The following ZNF43 variants were observed in gnomAD, a reference collection of about 807,000 sequenced individuals.
The protein encoded by ZNF43 is zinc finger protein 39-like 1 (KOX 27).
ZNF43 carries 44 observed loss-of-function variants against 68.4 expected under a neutral mutation model. That is an observed-to-expected ratio of 0.64 (90% CI 0.51 to 0.83). ZNF43 has a LOEUF of 0.83. Ranked by LOEUF, ZNF43 falls within the 40% of genes least tolerant of loss-of-function variation. The pLI, the probability that ZNF43 is intolerant of heterozygous loss-of-function variation, is 0.00. For synonymous variants in ZNF43, 308 were observed against 307.8 expected (o/e 1.00, Z -0.01); for missense variants, 896 against 933.2 (o/e 0.96, Z 0.52).
At chr19:21,829,770 T>A (rs548428764) in intron 1 of ZNF43, among the ~76,000 whole-genome samples, 1 of 152,304 alleles carries the variant, frequency 6.6e-6, no homozygotes, top group African/African-American at 2.4e-5. Context: ...TCTGGACATA[T>A]TGAACTCTTG....
chr19:21,852,041 C>T (rs918738867), exon 1 of ZNF43: 18 of 1,302,592 alleles, frequency 1.4e-5, no homozygotes, highest in Admixed American at 2.2e-5. Context: ...GAGGCGGGTC[C>T]CAAGGTCTAG....
chr19:21,820,499 AC>A (rs2037769262), intron 1 of ZNF43, among the ~76,000 whole-genome samples: 1 of 150,836 alleles, frequency 6.6e-6, no homozygotes, highest in Non-Finnish European at 1.5e-5. Flanking sequence ...ATTTGCTTGA[AC>A]CCAGGAGGCA....
chr19:21,809,428 T>C lies in ZNF43; in HGVS notation c.609A>G (p.Lys203=), dbSNP rs1354277744. The part of the protein sequence containing the change: ...KIIHTRVNFC[K]CEKCGKAFNC... The stretch of plus-strand genomic sequence containing the variant: ...TAAAAGCTTTTCCACATTTTTCACA[T>C]TTGCAGAAATTCACTCTGGTATGAA... The change falls in exon 4 of 4, where the codon AAA becomes AAG. Residue 203 remains lysine, a synonymous_variant. Transcript: ENST00000354959. 3 of 1,613,554 alleles carry C rather than the reference T, an allele frequency of 1.9e-6. No homozygotes were observed. Among genetic ancestry groups the C allele is most frequent in the Non-Finnish European group, 2.5e-6 (3 of 1,179,812 alleles).
chr19:21,836,209 G>A (rs1201108217), upstream of ZNF43: 9 of 1,495,450 alleles, frequency 6.0e-6, no homozygotes, highest in African/African-American at 1.4e-5. Context: ...CCCGGAAGCC[G>A]CCCTGTCCTC....
rs563246352 is a variant in ZNF43 at position 21,834,738 on chromosome 19, G to C, written c.3+1298C>G. On this transcript the variant is annotated intron_variant, in intron 1 of 3. Coordinates refer to ENST00000354959, the MANE Select transcript of ZNF43 (RefSeq NM_003423.4). ...ATTGCACTCCAGCCTGGGAAACAAA[G>C]CGAGAGGAAGGATGGAAGCAAGGAT... 2.0e-5 allele frequency among the ~76,000 whole-genome samples: 3 copies of C among 149,752 alleles called. No individual in the cohort carries two copies. The South Asian group carries it at 6.4e-4, about 32-fold the overall frequency.
chr19:21,834,408 A>G (rs2038586856), intron 1 of ZNF43, among the ~76,000 whole-genome samples: 1 of 151,996 alleles, frequency 6.6e-6, no homozygotes, highest in Admixed American at 6.6e-5. Context: ...TTTTACAAAC[A>G]GTGTAAGGGG....
At chr19:21,833,048 G>C (rs1321061075) in intron 1 of ZNF43, among the ~76,000 whole-genome samples, 2 of 152,150 alleles carry the variant, frequency 1.3e-5, no homozygotes, top group African/African-American at 2.4e-5. Context: ...TTATGAATCT[G>C]TGTAACTCAC....
rs869257892 is a variant in ZNF43, at chr19:21,844,896, C to CAAAA, written c.30+7005_30+7008dup. Among the ~76,000 whole-genome samples, 25 of 35,784 alleles carry CAAAA rather than the reference C, an allele frequency of 7.0e-4. 1 individual carries two copies. The highest frequency in any genetic ancestry group is 6.2e-3 in the East Asian group (6 of 972). The allele number at this position is 35,784 out of a possible 152,430, so 23.5% of individuals were successfully genotyped here. ...TGGGCGACAGAGCAAGATTCCGTCT[C>CAAAA]AAAAAAAAAAAAAAAAAAAAAAAAA... On this transcript the variant is annotated intron_variant, in intron 1 of 3. Transcript: ENST00000357491.
chr19:21,835,989 C>T (rs200827980), intron 1 of ZNF43, 47 bp downstream of exon 1: 593 of 1,613,036 alleles, frequency 3.7e-4, no homozygotes, highest in Non-Finnish European at 4.7e-4. Flanking sequence ...GCCTGAGTCA[C>T]GCCACAGCCC....
intron 3 of ZNF43, among the ~76,000 whole-genome samples, chr19:21,813,800 T>C: frequency 6.6e-6 from 1 of 152,030 alleles, no homozygotes; most frequent in South Asian, 2.1e-4. Context: ...TCTCACTTTG[T>C]CACCCAAGCT....
upstream of ZNF43, chr19:21,839,837 A>T (rs1261748139): frequency 6.6e-6 from 1 of 152,214 alleles, no homozygotes; most frequent in Non-Finnish European, 1.5e-5. Context: ...AATATGTCAC[A>T]ATGCCTGATG....
chr19:21,821,771 T>C (rs1007188305), intron 1 of ZNF43, among the ~76,000 whole-genome samples: 45 of 150,140 alleles, frequency 3.0e-4, no homozygotes, highest in African/African-American at 1.1e-3. Context: ...CCCTTGCCTA[T>C]CATAAAAATT....
intron 1 of ZNF43, among the ~76,000 whole-genome samples, chr19:21,851,539 CAAAAA>C (rs759516277): frequency 7.7e-5 from 5 of 64,834 alleles, no homozygotes; most frequent in African/African-American, 2.4e-4. Context: ...GATTCCCTCT[CAAAAA>C]AAAAAAAAAA....
At chr19:21,836,183 A>G, upstream of ZNF43, 2 of 1,518,952 alleles carry the variant, frequency 1.3e-6, no homozygotes, top group Non-Finnish European at 1.8e-6. Flanking sequence ...AGCCAGAGAC[A>G]AAGGCCCCGC....
At chr19:21,827,336 A>G (rs899955418) in intron 1 of ZNF43, 2 of 151,944 alleles carry the variant, frequency 1.3e-5, no homozygotes, top group African/African-American at 4.8e-5. Flanking sequence ...TCAAGCTTGC[A>G]ACACTGCTAA....
chr19:21,844,915 A>C (rs1350484652), intron 1 of ZNF43, among the ~76,000 whole-genome samples: 3 of 97,210 alleles, frequency 3.1e-5, no homozygotes, highest in Non-Finnish European at 5.8e-5. Context: ...AAAAAAAAAA[A>C]AAAAAAATAT....
chr19:21,831,912 T>C (rs781445265), intron 1 of ZNF43, among the ~76,000 whole-genome samples: 13 of 152,126 alleles, frequency 8.5e-5, no homozygotes, highest in Admixed American at 5.9e-4. Flanking sequence ...GGAAAACCCG[T>C]TTATGCTCAT....
chr19:21,807,237 C>A lies in ZNF43; in HGVS notation c.*370G>T. On this transcript the variant is annotated 3_prime_UTR_variant, in exon 4 of 4. Transcript: ENST00000354959. ...GTGATGCAAGTAATGGTACTACAACCCTCTTAATATTTGTAATGTTTGTCT... is the reference window on the plus strand; with the variant it reads ...GTGATGCAAGTAATGGTACTACAACACTCTTAATATTTGTAATGTTTGTCT... The A allele has an allele frequency of 6.2e-6, 1 of 162,366 alleles. No homozygotes were observed. The highest frequency in any genetic ancestry group is 1.3e-5 in the Non-Finnish European group (1 of 74,544). The allele number at this position is 162,366 out of a possible 1,614,324, so 10.1% of individuals were successfully genotyped here. A position where few individuals can be genotyped will look rare whatever the true frequency, so the allele number is the denominator to read the frequency against.
At chr19:21,835,905 A>G in intron 1 of ZNF43, 131 bp downstream of exon 1, 1 of 1,492,338 alleles carries the variant, frequency 6.7e-7, no homozygotes, top group Non-Finnish European at 9.2e-7. Context: ...CCGCCATCTT[A>G]TGGCTGAAGG....
Sources: allele counts gnomAD v4.1 joint callset (sites outside exome capture counted in the v4.1 genomes callset), GRCh38; gene constraint gnomAD v4.1.1; transcripts MANE v1.5; gene names NCBI Gene and HGNC (gene_info 2026-07-23, HGNC 2026-07-21).